TRHDE: variants seen among roughly 807,000 people sequenced by gnomAD.
The protein encoded by TRHDE is thyrotropin-releasing hormone-degrading ectoenzyme.
Under a neutral mutation model 125.7 loss-of-function variants are expected in TRHDE, and 72 were observed. The ratio of observed to expected loss-of-function variants is 0.57; its 90% confidence interval spans 0.47 to 0.70. TRHDE has a LOEUF of 0.70. Among genes scored for constraint, TRHDE ranks in the 30% least tolerant of loss-of-function variants. The pLI is 0.00. For synonymous variants in TRHDE, 509 were observed against 509.1 expected, an observed-to-expected ratio of 1.00 and a Z score of 0.00; for missense variants, 1,110 against 1,327.1, an observed-to-expected ratio of 0.84 and a Z score of 2.54.
intron 5 of TRHDE, among the ~76,000 whole-genome samples, chr12:72,498,635 A>G (rs1241879338): frequency 6.6e-6 from 1 of 152,202 alleles, no homozygotes; most frequent in Non-Finnish European, 1.5e-5. Context: ...TCTATTAACA[A>G]AAACCTAGCT....
intron 2 of TRHDE, among the ~76,000 whole-genome samples, chr12:72,362,898 G>A (rs1168881974): frequency 1.3e-5 from 2 of 151,840 alleles, no homozygotes; most frequent in African/African-American, 4.8e-5. Flanking sequence ...TATTTCTGAG[G>A]GCTCTGTTCT....
intron 2 of TRHDE, among the ~76,000 whole-genome samples, chr12:72,142,454 T>G (rs988506562): frequency 7.2e-5 from 11 of 152,090 alleles, no homozygotes; most frequent in Admixed American, 6.5e-4. Flanking sequence ...ATGGATACAC[T>G]TGGGGTAACT....
At chr12:72,286,986 A>G in intron 2 of TRHDE, 32 bp downstream of exon 2, 2 of 1,605,596 alleles carry the variant, frequency 1.2e-6, no homozygotes, top group Admixed American at 1.7e-5. Context: ...ATGTTTTTGG[A>G]TAATGTACAC....
chr12:72,653,032 C>G lies in TRHDE; in HGVS notation c.2860C>G (p.Leu954Val). The G allele has an allele frequency of 6.2e-7, 1 of 1,604,494 alleles. No homozygotes were observed. The highest frequency in any genetic ancestry group is 8.5e-7 in the Non-Finnish European group (1 of 1,175,072). ...TCTTTGAAGGCTTCTAAATCTGTCA[C>G]TGAATTCTGAGGTGGTGCTGGATCA... ...NLLNRLLNLS[L>V]NSEVVLDQDA... The change falls in exon 17 of 19, where the codon CTG (leucine) becomes GTG (valine). Residue 954 changes from leucine (L) to valine (V), a missense_variant. By Grantham distance (32) the Leu-to-Val change is conservative. This residue lies in a region of TRHDE where 527 missense variants were observed against 651.8 expected (regional missense o/e 0.81). Coordinates refer to ENST00000261180, the MANE Select transcript of TRHDE (RefSeq NM_013381.3).
chr12:72,636,167 C>A, intron 15 of TRHDE, among the ~76,000 whole-genome samples: 1 of 152,150 alleles, frequency 6.6e-6, no homozygotes, highest in East Asian at 1.9e-4. Context: ...TTTGTATCCT[C>A]TTTTATTTCA....
At chr12:72,092,698 G>A (rs555264895) in intron 1 of TRHDE, among the ~76,000 whole-genome samples, 5 of 152,130 alleles carry the variant, frequency 3.3e-5, no homozygotes, top group Non-Finnish European at 7.4e-5. Context: ...TAGTCTAGGG[G>A]CATGTGCTTT....
intron 1 of TRHDE, chr12:72,274,807 A>G (rs1387541779): frequency 6.6e-6 from 1 of 152,176 alleles, no homozygotes; most frequent in African/African-American, 2.4e-5. Context: ...TGAATGCATT[A>G]CAAAGTACTT....
intron 2 of TRHDE, among the ~76,000 whole-genome samples, chr12:72,145,330 G>A (rs1049465993): frequency 1.3e-5 from 2 of 152,134 alleles, no homozygotes; most frequent in South Asian, 4.2e-4. Flanking sequence ...ACAGAGATCC[G>A]CATACTACCA....
rs193234932 is a variant in TRHDE at position 72,193,569 on chromosome 12, A to G, written n.279+87817A>G. Among the ~76,000 whole-genome samples, 3 of 152,234 alleles carry G rather than the reference A, an allele frequency of 2.0e-5. No homozygotes were observed. The East Asian group carries it at 5.8e-4, about 29-fold the overall frequency. ...CATTCTCCCTCACTGGGAATTACCTATTTTCTACCAGACAGTCTAGGCTTG... is the reference window on the plus strand; with the variant it reads ...CATTCTCCCTCACTGGGAATTACCTGTTTTCTACCAGACAGTCTAGGCTTG... On this transcript the variant is annotated intron_variant and non_coding_transcript_variant, in intron 2 of 4. Coordinates refer to the TRHDE transcript ENST00000548156.
At chr12:72,320,254 T>TA (rs1166361892) in intron 2 of TRHDE, among the ~76,000 whole-genome samples, 1 of 152,118 alleles carries the variant, frequency 6.6e-6, no homozygotes, top group Non-Finnish European at 1.5e-5. Flanking sequence ...CCCCCACAGA[T>TA]ACAAACATTT....
chr12:72,630,279 G>A (rs938499921), intron 15 of TRHDE, among the ~76,000 whole-genome samples: 4 of 151,630 alleles, frequency 2.6e-5, no homozygotes, highest in Admixed American at 2.6e-4. Flanking sequence ...TAGATTTAGC[G>A]AAATCTCTAA....
chr12:72,235,133 T>A (rs992235983), intron 2 of TRHDE, among the ~76,000 whole-genome samples: 1 of 152,156 alleles, frequency 6.6e-6, no homozygotes, highest in Non-Finnish European at 1.5e-5. Flanking sequence ...CTCTTGATGA[T>A]GCTGGAGACA....
At chr12:72,127,315 G>C (rs1875739895) in intron 2 of TRHDE, among the ~76,000 whole-genome samples, 2 of 152,092 alleles carry the variant, frequency 1.3e-5, no homozygotes, top group African/African-American at 4.8e-5. Context: ...CAACCATTTG[G>C]CTCAGCAATC....
chr12:72,180,770 T>C (rs897457751), intron 2 of TRHDE, among the ~76,000 whole-genome samples: 3 of 152,154 alleles, frequency 2.0e-5, no homozygotes, highest in Non-Finnish European at 2.9e-5. Context: ...TTCTCCACTG[T>C]CTTTTTCCTT....
At chr12:72,373,033 T>A (rs1425110989) in intron 2 of TRHDE, among the ~76,000 whole-genome samples, 1 of 152,200 alleles carries the variant, frequency 6.6e-6, no homozygotes, top group Non-Finnish European at 1.5e-5. Context: ...TATGGAATGT[T>A]CCTCCATTTG....
chr12:72,650,163 C>T (rs1457320702), intron 15 of TRHDE, among the ~76,000 whole-genome samples: 1 of 152,016 alleles, frequency 6.6e-6, no homozygotes, highest in Non-Finnish European at 1.5e-5. Flanking sequence ...ATAAAGGAAA[C>T]GTAGTGTACA....
intron 15 of TRHDE, among the ~76,000 whole-genome samples, chr12:72,634,960 A>G (rs1356290232): frequency 6.6e-6 from 1 of 152,292 alleles, no homozygotes; most frequent in East Asian, 1.9e-4. Context: ...CACAATAAAC[A>G]TACATGTGCA....
intron 3 of TRHDE, among the ~76,000 whole-genome samples, chr12:72,407,700 A>C (rs189117637): frequency 1.4e-4 from 22 of 152,214 alleles, no homozygotes; most frequent in African/African-American, 4.6e-4. Flanking sequence ...TTCTCTGGGG[A>C]TGTTTGTCAA....
chr12:72,216,158 A>G (rs1004364404), intron 2 of TRHDE, among the ~76,000 whole-genome samples: 1 of 152,176 alleles, frequency 6.6e-6, no homozygotes, highest in South Asian at 2.1e-4. Context: ...AGCGAGCTTT[A>G]TACTTTCCAG....
Sources: gnomAD v4.1 joint callset for allele counts (sites outside exome capture counted in the v4.1 genomes callset) on GRCh38, gnomAD v4.1.1 for gene constraint, gnomAD v4.1.1 regional missense constraint, MANE v1.5 for transcripts, NCBI Gene and HGNC (gene_info 2026-07-23, HGNC 2026-07-21) for gene names.